Variants in TTC29 observed in about 807,000 individuals in gnomAD.
TTC29 encodes the protein tetratricopeptide repeat protein 29.
Under a neutral mutation model 58.1 loss-of-function variants are expected in TTC29, and 49 were observed. The ratio of observed to expected loss-of-function variants is 0.84; its 90% CI spans 0.67 to 1.07. TTC29 has a LOEUF of 1.07. Among genes scored for constraint, TTC29 ranks in the 50% least tolerant of loss-of-function variants. TTC29 has a pLI of 0.00. For missense variants in TTC29, 582 were observed against 555.6 expected, an observed-to-expected ratio of 1.05 and a Z score of -0.48; for synonymous variants, 209 against 196.8, an observed-to-expected ratio of 1.06 and a Z score of -0.52.
intron 4 of TTC29, among the ~76,000 whole-genome samples, chr4:146,931,919 C>A (rs1735363269): frequency 1.3e-5 from 2 of 152,004 alleles, no homozygotes; most frequent in African/African-American, 4.8e-5. Context: ...AAGCTCCTTC[C>A]AACTACATTT....
intron 7 of TTC29, among the ~76,000 whole-genome samples, chr4:146,868,827 G>T (rs1378762390): frequency 6.6e-6 from 1 of 152,040 alleles, no homozygotes; most frequent in Non-Finnish European, 1.5e-5. Flanking sequence ...CCCCAATGTT[G>T]GAGGTGGTGC....
intron 4 of TTC29, among the ~76,000 whole-genome samples, chr4:146,911,358 G>C (rs959900497): frequency 6.6e-6 from 1 of 152,118 alleles, no homozygotes; most frequent in Non-Finnish European, 1.5e-5. Flanking sequence ...TGCCCACTGG[G>C]GACTGAAGGA....
In TTC29 at chr4:146,939,795, G is replaced by A; in HGVS notation, c.92+9C>T. On this transcript the variant is annotated intron_variant, in intron 3 of 12. Transcript: ENST00000325106. ...TGTAGGAAAATAAGTAAAAACCAGG[G>A]GCACGTACCTTGGAATTTTTCTGGA... 1 of 1,608,272 alleles carries A rather than the reference G, an allele frequency of 6.2e-7. No homozygotes were observed. The highest frequency in any genetic ancestry group is 2.2e-5 in the East Asian group (1 of 44,752).
intron 11 of TTC29, among the ~76,000 whole-genome samples, chr4:146,797,257 C>T (rs573900311): frequency 1.2e-4 from 19 of 152,202 alleles, no homozygotes; most frequent in Non-Finnish European, 2.6e-4. Context: ...CCCTACAATG[C>T]GTTATTATTT....
chr4:146,908,988 G>T, intron 5 of TTC29, 38 bp downstream of exon 5: 1 of 1,555,786 alleles, frequency 6.4e-7, no homozygotes, highest in Non-Finnish European at 8.8e-7. Flanking sequence ...TCGGTGTTCT[G>T]GCTCCTTCTG....
chr4:146,751,224 G>A (rs747426821), intron 11 of TTC29, among the ~76,000 whole-genome samples: 8 of 152,066 alleles, frequency 5.3e-5, no homozygotes, highest in Non-Finnish European at 1.0e-4. Context: ...AGCAAATATC[G>A]ATGAACACAA....
At chr4:146,740,627 T>C (rs1212238402) in intron 11 of TTC29, among the ~76,000 whole-genome samples, 2 of 152,096 alleles carry the variant, frequency 1.3e-5, no homozygotes, top group African/African-American at 4.8e-5. Flanking sequence ...TTTATTTTTA[T>C]TGAGAAGGGT....
At chr4:146,838,229 C>T (rs1308964931) in intron 8 of TTC29, among the ~76,000 whole-genome samples, 2 of 151,890 alleles carry the variant, frequency 1.3e-5, no homozygotes, top group African/African-American at 4.8e-5. Context: ...AACAAAACTA[C>T]TAGAATACTC....
intron 4 of TTC29, among the ~76,000 whole-genome samples, chr4:146,926,744 C>T (rs7681064): frequency 0.075 from 11,366 of 152,034 alleles, 1,435 homozygotes; most frequent in African/African-American, 0.26. Flanking sequence ...ATTACAGACG[C>T]GAACCACCAC....
intron 8 of TTC29, among the ~76,000 whole-genome samples, chr4:146,842,400 G>T (rs189452292): frequency 1.8e-3 from 272 of 152,100 alleles, no homozygotes; most frequent in African/African-American, 6.3e-3. Flanking sequence ...CCTCCCAATA[G>T]TGAAAGGTGG....
intron 11 of TTC29, among the ~76,000 whole-genome samples, chr4:146,778,883 A>C (rs1182651227): frequency 2.1e-5 from 3 of 144,276 alleles, no homozygotes; most frequent in Non-Finnish European, 4.5e-5. Context: ...ATTGTTCACT[A>C]TTCAGATGAT....
At chr4:146,895,157 G>A (rs1732685107) in intron 6 of TTC29, among the ~76,000 whole-genome samples, 1 of 152,168 alleles carries the variant, frequency 6.6e-6, no homozygotes, top group Non-Finnish European at 1.5e-5. Flanking sequence ...ACATGATCTT[G>A]TTCCTTTTTA....
At chr4:146,727,325 T>C (rs1743869192) in intron 11 of TTC29, among the ~76,000 whole-genome samples, 1 of 152,198 alleles carries the variant, frequency 6.6e-6, no homozygotes, top group South Asian at 2.1e-4. Flanking sequence ...GCATTTCTTA[T>C]AATGGATGAA....
At chr4:146,897,914 G>A (rs1167925556) in intron 6 of TTC29, among the ~76,000 whole-genome samples, 1 of 152,192 alleles carries the variant, frequency 6.6e-6, no homozygotes, top group Non-Finnish European at 1.5e-5. Context: ...TTGGGAGTTG[G>A]TGACTATCAG....
chr4:146,920,692 G>T lies in TTC29; in HGVS notation c.177-11443C>A, dbSNP rs561455976. The stretch of plus-strand genomic sequence containing the variant: ...GGTACTCCATTAACTACACTCTCTT[G>T]AGCCCCTTTTTTGATAAAATTTTTA... On this transcript the variant is annotated intron_variant, in intron 4 of 12. Transcript: ENST00000325106. 2.1e-4 allele frequency among the ~76,000 whole-genome samples: 31 copies of T among 150,990 alleles called. 1 individual carries two copies. In the South Asian group the frequency reaches 3.5e-3, roughly 17 times the overall value.
chr4:146,742,640 C>T (rs1745246868), intron 11 of TTC29, among the ~76,000 whole-genome samples: 1 of 143,078 alleles, frequency 7.0e-6, no homozygotes, highest in Non-Finnish European at 1.5e-5. Flanking sequence ...TCGTTTCCTT[C>T]CTTCTTTCCT....
intron 8 of TTC29, among the ~76,000 whole-genome samples, chr4:146,853,475 G>C (rs1046458488): frequency 6.6e-6 from 1 of 151,902 alleles, no homozygotes; most frequent in Admixed American, 6.6e-5. Flanking sequence ...TTCAGCATAG[G>C]ATACCCAAAA....
intron 11 of TTC29, among the ~76,000 whole-genome samples, chr4:146,738,319 C>A (rs1229317226): frequency 6.6e-6 from 1 of 152,054 alleles, no homozygotes; most frequent in African/African-American, 2.4e-5. Context: ...AGCCTCAGAG[C>A]AAGAGAGGCC....
intron 9 of TTC29, among the ~76,000 whole-genome samples, chr4:146,831,349 T>G (rs6819665): frequency 0.063 from 9,578 of 152,224 alleles, 402 homozygotes; most frequent in Admixed American, 0.13. Context: ...TCCTCCCACT[T>G]TGGCCTCCCA....
Sources: gnomAD v4.1 joint callset for allele counts (sites outside exome capture counted in the v4.1 genomes callset) on GRCh38, gnomAD v4.1.1 for gene constraint, MANE v1.5 for transcripts, NCBI Gene and HGNC (gene_info 2026-07-23, HGNC 2026-07-21) for gene names.